The following RASAL2 variants were observed in gnomAD, a reference collection of about 807,000 sequenced individuals.
RASAL2 encodes the protein RAS protein activator like 2.
A neutral mutation model predicts 128.9 loss-of-function variants in RASAL2; 58 were observed. That is an observed-to-expected ratio of 0.45 (90% confidence interval 0.36 to 0.56). The LOEUF is 0.56. Among genes scored for constraint, RASAL2 ranks in the 20% least tolerant of loss-of-function variants. The probability of loss-of-function intolerance (pLI) is 0.00; values close to 1 mark genes in which losing one functional copy is unlikely to be tolerated. For missense variants in RASAL2, 1,360 were observed against 1,601.6 expected, an observed-to-expected ratio of 0.85 and a Z score of 2.57; for synonymous variants, 561 against 580.8, an observed-to-expected ratio of 0.97 and a Z score of 0.49.
At chr1:178,112,708 C>A (rs1326975608) in intron 1 of RASAL2, among the ~76,000 whole-genome samples, 71 of 136,694 alleles carry the variant, frequency 5.2e-4, no homozygotes, top group African/African-American at 1.8e-3. Context: ...ACAATGAGAT[C>A]ACATGGACAC....
intron 1 of RASAL2, among the ~76,000 whole-genome samples, chr1:178,114,732 C>T (rs1659463336): frequency 6.6e-6 from 1 of 152,264 alleles, no homozygotes; most frequent in Admixed American, 6.5e-5. Flanking sequence ...CCATGTTAGC[C>T]AGGATGGTCT....
At chr1:178,432,694 C>T (rs902529070) in intron 5 of RASAL2, among the ~76,000 whole-genome samples, 32 of 152,038 alleles carry the variant, frequency 2.1e-4, no homozygotes, top group Admixed American at 9.2e-4. Flanking sequence ...GAGCAGTTGT[C>T]CTGGACTCTA....
chr1:178,320,249 TTGTC>T (rs931635250), intron 3 of RASAL2, among the ~76,000 whole-genome samples: 1 of 152,080 alleles, frequency 6.6e-6, no homozygotes, highest in African/African-American at 2.4e-5. Flanking sequence ...GTCTTTTTGT[TTGTC>T]TGTGCCCTGC....
At chr1:178,264,209 T>C (rs2102145156) in intron 1 of RASAL2, among the ~76,000 whole-genome samples, 2 of 152,312 alleles carry the variant, frequency 1.3e-5, no homozygotes, top group South Asian at 4.1e-4. Flanking sequence ...AAATGATCAT[T>C]CACTTTCCCT....
intron 12 of RASAL2, among the ~76,000 whole-genome samples, chr1:178,454,988 C>T (rs1411980871): frequency 6.6e-6 from 1 of 151,782 alleles, no homozygotes; most frequent in Non-Finnish European, 1.5e-5. Context: ...AAGATGAAAC[C>T]TCATATAGTA....
intron 3 of RASAL2, among the ~76,000 whole-genome samples, chr1:178,337,553 A>G (rs1306963341): frequency 2.0e-5 from 3 of 152,166 alleles, no homozygotes; most frequent in Non-Finnish European, 4.4e-5. Flanking sequence ...GTATATGATC[A>G]TCTGCTGTTC....
rs187621157 is a variant in RASAL2 at position 178,303,569 on chromosome 1, C to T, written c.457+3451C>T. Among the ~76,000 whole-genome samples the T allele has an allele frequency of 7.9e-4, 120 of 151,934 alleles. No individual in the cohort carries two copies. In the East Asian group the frequency reaches 0.021, roughly 26 times the overall value. ...CCTGGGCTGCATGCAGCCCATGGAC[C>T]GTGGGTTGGACAAGTTTGTCTTAAA... On this transcript the variant is annotated intron_variant, in intron 3 of 17. Coordinates refer to ENST00000367649, the MANE Select transcript of RASAL2 (RefSeq NM_170692.4).
intron 2 of RASAL2, among the ~76,000 whole-genome samples, chr1:178,292,561 T>C (rs544509802): frequency 4.6e-5 from 7 of 152,330 alleles, no homozygotes; most frequent in African/African-American, 1.2e-4. Context: ...CAAATAGATA[T>C]TGCTTATGTG....
At chr1:178,266,682 TC>T (rs1421478001) in intron 1 of RASAL2, among the ~76,000 whole-genome samples, 1 of 152,138 alleles carries the variant, frequency 6.6e-6, no homozygotes, top group African/African-American at 2.4e-5. Flanking sequence ...AGAGGAGACC[TC>T]AAGTGCGGCA....
At chr1:178,209,681 C>T (rs1262432885) in intron 1 of RASAL2, among the ~76,000 whole-genome samples, 2 of 151,862 alleles carry the variant, frequency 1.3e-5, no homozygotes, top group African/African-American at 4.8e-5. Context: ...CTCCTTTTCT[C>T]TCTTTTTCTC....
chr1:178,296,007 A>G (rs775475475), intron 2 of RASAL2, among the ~76,000 whole-genome samples: 4 of 152,082 alleles, frequency 2.6e-5, no homozygotes, highest in African/African-American at 4.8e-5. Flanking sequence ...TCTAAACAAT[A>G]TGAAAGGCAG....
At position 178,232,068 on chromosome 1, in the gene RASAL2, A is replaced by G. The variant is rs964574312; in HGVS notation, c.203-51496A>G. 7.9e-5 allele frequency among the ~76,000 whole-genome samples: 12 copies of G among 152,306 alleles called. No homozygotes were observed. In the Middle Eastern group the frequency reaches 0.01, roughly 130 times the overall value. ...TTTTTCATTGTAAAACATTCTACAA[A>G]TAAGTGGATAGTTTTTTTAGTTTGC... On this transcript the variant is annotated intron_variant, in intron 1 of 17. Coordinates refer to ENST00000367649, the MANE Select transcript of RASAL2 (RefSeq NM_170692.4).
chr1:178,259,367 G>A (rs981304289), intron 1 of RASAL2, among the ~76,000 whole-genome samples: 1 of 151,912 alleles, frequency 6.6e-6, no homozygotes. Flanking sequence ...TCCTGACCTC[G>A]TGATCCGCCC....
intron 1 of RASAL2, among the ~76,000 whole-genome samples, chr1:178,267,139 A>G (rs893435785): frequency 1.4e-4 from 22 of 152,136 alleles, no homozygotes; most frequent in African/African-American, 4.3e-4. Context: ...TTGTCAGTCT[A>G]TCCATCCTTT....
At chr1:178,134,553 T>C (rs1206832039) in intron 1 of RASAL2, among the ~76,000 whole-genome samples, 1 of 151,952 alleles carries the variant, frequency 6.6e-6, no homozygotes, top group Admixed American at 6.6e-5. Flanking sequence ...CTTTTTCGTA[T>C]TCTAATTGCA....
chr1:178,437,038 G>A (rs935999314), intron 5 of RASAL2, among the ~76,000 whole-genome samples: 2 of 152,074 alleles, frequency 1.3e-5, no homozygotes, highest in Non-Finnish European at 2.9e-5. Context: ...TGCCCCTTGC[G>A]TTATTCAAGC....
At chr1:178,114,878 GTAT>G (rs1659470530) in intron 1 of RASAL2, among the ~76,000 whole-genome samples, 1 of 152,116 alleles carries the variant, frequency 6.6e-6, no homozygotes, top group Non-Finnish European at 1.5e-5. Flanking sequence ...TGGTCTTGAT[GTAT>G]TATTATTCTT....
chr1:178,312,798 T>C (rs1021755597), intron 3 of RASAL2, among the ~76,000 whole-genome samples: 1 of 152,160 alleles, frequency 6.6e-6, no homozygotes, highest in African/African-American at 2.4e-5. Flanking sequence ...AGCATATAGA[T>C]ATCTAAGCAA....
chr1:178,185,519 T>G (rs1662260833), intron 1 of RASAL2, among the ~76,000 whole-genome samples: 1 of 151,644 alleles, frequency 6.6e-6, no homozygotes, highest in Admixed American at 6.6e-5. Context: ...TTTTTTTTTT[T>G]GGCTTGGGGG....
Sources: gnomAD v4.1 joint callset for allele counts (sites outside exome capture counted in the v4.1 genomes callset) on GRCh38, gnomAD v4.1.1 for gene constraint, MANE v1.5 for transcripts, NCBI Gene and HGNC (gene_info 2026-07-23, HGNC 2026-07-21) for gene names.